The following NDST3 variants were observed in gnomAD, a reference collection of about 807,000 sequenced individuals.
NDST3 encodes N-deacetylase and N-sulfotransferase 3.
A neutral mutation model predicts 96.1 loss-of-function variants in NDST3; 58 were observed. That is an observed-to-expected ratio of 0.60 (90% confidence interval 0.49 to 0.75). The LOEUF is 0.75. Ranked by LOEUF, NDST3 falls within the 30% of genes least tolerant of loss-of-function variation. The probability of loss-of-function intolerance (pLI) is 0.00; values close to 1 mark genes in which losing one functional copy is unlikely to be tolerated. For missense variants in NDST3, 788 were observed against 1,034.2 expected, an observed-to-expected ratio of 0.76 and a Z score of 3.27; for synonymous variants, 333 against 359.7, an observed-to-expected ratio of 0.93 and a Z score of 0.84.
intron 6 of NDST3, among the ~76,000 whole-genome samples, chr4:118,174,564 C>T (rs1402902366): frequency 1.3e-5 from 2 of 152,098 alleles, no homozygotes; most frequent in African/African-American, 2.4e-5. Flanking sequence ...GATCTTAAAG[C>T]ATGTATGTTT....
At chr4:118,105,666 T>C (rs186235286) in intron 3 of NDST3, among the ~76,000 whole-genome samples, 70 of 152,324 alleles carry the variant, frequency 4.6e-4, no homozygotes, top group African/African-American at 1.5e-3. Flanking sequence ...CAGTATTCCA[T>C]TGTCTGAACA....
chr4:118,254,970 T>C (rs1479420634), intron 13 of NDST3, among the ~76,000 whole-genome samples: 2 of 152,178 alleles, frequency 1.3e-5, no homozygotes, highest in Non-Finnish European at 2.9e-5. Context: ...TTCAGAGCAC[T>C]TTGAAAACAA....
intron 1 of NDST3, among the ~76,000 whole-genome samples, chr4:118,041,397 G>C (rs1285305807): frequency 2.6e-5 from 4 of 152,098 alleles, no homozygotes; most frequent in Non-Finnish European, 5.9e-5. Flanking sequence ...ATTTCCTTCA[G>C]GGTGCCTTAT....
intron 6 of NDST3, chr4:118,193,822 G>A: frequency 2.1e-6 from 3 of 1,452,070 alleles, no homozygotes; most frequent in South Asian, 2.5e-5. Context: ...TGAGGTAAGA[G>A]GCCAGTTGAA....
intron 6 of NDST3, among the ~76,000 whole-genome samples, chr4:118,216,370 T>C (rs529112272): frequency 1.0e-3 from 158 of 152,188 alleles, no homozygotes; most frequent in African/African-American, 3.5e-3. Flanking sequence ...AAAATAACAA[T>C]AATATATCAA....
chr4:118,145,162 C>T (rs563859402), intron 6 of NDST3, among the ~76,000 whole-genome samples: 1 of 152,288 alleles, frequency 6.6e-6, no homozygotes, highest in African/African-American at 2.4e-5. Flanking sequence ...TCTCCTTATA[C>T]AGCTTTCTTC....
intron 6 of NDST3, among the ~76,000 whole-genome samples, chr4:118,158,688 A>G (rs996078157): frequency 1.3e-5 from 2 of 152,246 alleles, no homozygotes; most frequent in African/African-American, 2.4e-5. Context: ...TTCACAATAG[A>G]GAAATCTGAC....
intron 13 of NDST3, among the ~76,000 whole-genome samples, chr4:118,254,344 A>C (rs1578881976): frequency 6.6e-6 from 1 of 152,130 alleles, no homozygotes; most frequent in Non-Finnish European, 1.5e-5. Context: ...GATATAATAT[A>C]CTAAGTTTTG....
intron 6 of NDST3, among the ~76,000 whole-genome samples, chr4:118,211,085 A>G (rs1191269217): frequency 1.3e-5 from 2 of 152,176 alleles, no homozygotes; most frequent in African/African-American, 4.8e-5. Context: ...TCTCTTGCAA[A>G]TTCTCTCCTG....
chr4:118,179,473 G>C (rs796968139), intron 6 of NDST3, among the ~76,000 whole-genome samples: 9 of 151,990 alleles, frequency 5.9e-5, no homozygotes, highest in Admixed American at 2.0e-4. Context: ...TCTAACTTCA[G>C]TTATCTGATC....
intron 12 of NDST3, among the ~76,000 whole-genome samples, chr4:118,253,165 A>C (rs960028106): frequency 2.8e-4 from 43 of 151,556 alleles, no homozygotes; most frequent in African/African-American, 7.0e-4. Flanking sequence ...TTTTAAACCC[A>C]AAAAAAAATT....
intron 12 of NDST3, among the ~76,000 whole-genome samples, chr4:118,252,624 C>G (rs1741818846): frequency 1.3e-5 from 2 of 152,186 alleles, no homozygotes; most frequent in African/African-American, 4.8e-5. Context: ...GGCACAGTGG[C>G]TCACGCCTGT....
chr4:118,083,688 TGTGACCTA>T (rs1728197336), intron 2 of NDST3, among the ~76,000 whole-genome samples: 1 of 152,192 alleles, frequency 6.6e-6, no homozygotes, highest in South Asian at 2.1e-4. Flanking sequence ...TAGTTGACTA[TGTGACCTA>T]GTGCTTTCAT....
chr4:118,120,720 G>A (rs1355145116), intron 4 of NDST3, among the ~76,000 whole-genome samples: 2 of 152,080 alleles, frequency 1.3e-5, no homozygotes, highest in South Asian at 2.1e-4. Flanking sequence ...GCTTTCTCCC[G>A]GTTATGTATC....
At chr4:118,117,721 T>C (rs753623854) in intron 4 of NDST3, among the ~76,000 whole-genome samples, 1 of 152,182 alleles carries the variant, frequency 6.6e-6, no homozygotes, top group Non-Finnish European at 1.5e-5. Context: ...ACTAGCAGTA[T>C]AATTAAGACC....
intron 6 of NDST3, among the ~76,000 whole-genome samples, chr4:118,149,498 T>G (rs75982945): frequency 0.41 from 47,717 of 115,214 alleles, 12,955 homozygotes; most frequent in East Asian, 0.67. Context: ...TTCCGAGGTA[T>G]TTTATTCTCT....
At chr4:118,142,727 T>C (rs959409035) in intron 5 of NDST3, among the ~76,000 whole-genome samples, 2 of 152,208 alleles carry the variant, frequency 1.3e-5, no homozygotes, top group African/African-American at 4.8e-5. Flanking sequence ...CATGAAGTCA[T>C]TGTAAAATAT....
intron 10 of NDST3, among the ~76,000 whole-genome samples, chr4:118,238,155 A>G (rs2138008): frequency 0.047 from 4,302 of 90,970 alleles, 396 homozygotes; most frequent in Non-Finnish European, 0.067. Flanking sequence ...GAAAAGAAAG[A>G]AAAGAAAGAA....
intron 3 of NDST3, among the ~76,000 whole-genome samples, chr4:118,111,632 G>C (rs1487573880): frequency 6.6e-6 from 1 of 151,276 alleles, no homozygotes; most frequent in African/African-American, 2.4e-5. Context: ...TGCCTCCCGG[G>C]TTAACGCCAT....
Sources: allele counts gnomAD v4.1 joint callset (sites outside exome capture counted in the v4.1 genomes callset), GRCh38; gene constraint gnomAD v4.1.1; transcripts MANE v1.5; gene names NCBI Gene and HGNC (gene_info 2026-07-23, HGNC 2026-07-21).